MATN2: variants seen among roughly 807,000 people sequenced by gnomAD.
MATN2 encodes the protein matrilin-2.
In MATN2, 69 loss-of-function variants were observed where a neutral mutation model predicts 103.2. The observed-to-expected ratio is 0.67, with a 90% CI of 0.55 to 0.82. The LOEUF (loss-of-function observed/expected upper bound fraction) is 0.82, where lower values mean the gene tolerates loss of function less well. MATN2 is among the 40% of genes least tolerant of loss of function. The probability of loss-of-function intolerance (pLI) is 0.00; values close to 1 mark genes in which losing one functional copy is unlikely to be tolerated. For synonymous variants in MATN2, 429 were observed against 450.2 expected, an observed-to-expected ratio of 0.95 and a Z score of 0.60; for missense variants, 1,023 against 1,211.5, an observed-to-expected ratio of 0.84 and a Z score of 2.31.
intron 18 of MATN2, 161 bp downstream of exon 18, chr8:98,033,820 G>A (rs1233351922): frequency 3.4e-6 from 2 of 581,366 alleles, no homozygotes; most frequent in Non-Finnish European, 6.0e-6. Context: ...AGCCTCACAG[G>A]TGTTTGAGAG....
intron 18 of MATN2, 26 bp from the exon 19 acceptor site, chr8:98,035,630 CT>C: frequency 7.1e-7 from 1 of 1,411,116 alleles, no homozygotes. Flanking sequence ...ATAGACAATT[CT>C]TCATCTTCCT....
chr8:97,928,941 G>A (rs1325174971), intron 2 of MATN2, among the ~76,000 whole-genome samples: 2 of 152,102 alleles, frequency 1.3e-5, no homozygotes, highest in Admixed American at 6.5e-5. Context: ...TCAAAAACTT[G>A]TTCTGAAAAT....
intron 2 of MATN2, among the ~76,000 whole-genome samples, chr8:97,917,228 C>T (rs1163353950): frequency 6.6e-6 from 1 of 152,218 alleles, no homozygotes; most frequent in Non-Finnish European, 1.5e-5. Flanking sequence ...TGGATTCTAT[C>T]TCCATGGGCA....
At chr8:97,907,546 T>C (rs899682799) in intron 2 of MATN2, among the ~76,000 whole-genome samples, 1 of 151,084 alleles carries the variant, frequency 6.6e-6, no homozygotes, top group African/African-American at 2.4e-5. Flanking sequence ...ATGGCCTCGA[T>C]CTCCTGACCT....
intron 10 of MATN2, among the ~76,000 whole-genome samples, chr8:98,011,688 A>G (rs1813166356): frequency 6.6e-6 from 1 of 152,230 alleles, no homozygotes; most frequent in South Asian, 2.1e-4. Context: ...GCTTCTGGTT[A>G]CTGTCTTGGC....
intron 2 of MATN2, among the ~76,000 whole-genome samples, chr8:97,900,026 A>C (rs1182778713): frequency 2.0e-5 from 3 of 152,236 alleles, no homozygotes; most frequent in Admixed American, 2.0e-4. Flanking sequence ...CCGGAATCCC[A>C]GGGCTGAAGA....
chr8:98,009,658 C>T lies in MATN2; in HGVS notation c.1573+2057C>T, dbSNP rs111656751. Among the ~76,000 whole-genome samples, 221 of 152,328 alleles carry T rather than the reference C, an allele frequency of 1.5e-3. 1 individual carries two copies. Among genetic ancestry groups the T allele is most frequent in the African/African-American group, 5.1e-3 (212 of 41,566 alleles). ...CCCTCCCTTCCTCCAGCCCCCTGAC[C>T]GCAAGCTCTGCTTTCCCAGATTTTC... On this transcript the variant is annotated intron_variant, in intron 10 of 18. Transcript: ENST00000254898.
At chr8:98,020,224 T>C (rs892444026) in intron 12 of MATN2, among the ~76,000 whole-genome samples, 1 of 152,132 alleles carries the variant, frequency 6.6e-6, no homozygotes, top group Admixed American at 6.6e-5. Context: ...TAGCTCACTG[T>C]AATCTCCACC....
intron 14 of MATN2, among the ~76,000 whole-genome samples, chr8:98,028,214 C>G (rs1364548047): frequency 6.6e-6 from 1 of 152,188 alleles, no homozygotes; most frequent in Non-Finnish European, 1.5e-5. Context: ...CTGATGGGAA[C>G]TTTTACTGTG....
At chr8:97,949,653 A>G (rs908953512) in intron 4 of MATN2, among the ~76,000 whole-genome samples, 3 of 152,218 alleles carry the variant, frequency 2.0e-5, no homozygotes, top group Non-Finnish European at 4.4e-5. Context: ...ACTTTTAAGT[A>G]TTTACTCAAA....
Position 97,931,665 on chromosome 8 carries a change from C to A in MATN2, c.712+143C>A. On this transcript the variant is annotated intron_variant, in intron 3 of 18. Coordinates refer to ENST00000254898, the MANE Select transcript of MATN2 (RefSeq NM_002380.5). This position sits in a 1 kb window ranked among gnomAD's most constrained non-coding sequence, Gnocchi z 4.1. ...CAAAGGCCAAGATAAACACAACGTGCTCCAGGGGCTTACACTTTGGCCAAG... is the reference window on the plus strand; with the variant it reads ...CAAAGGCCAAGATAAACACAACGTGATCCAGGGGCTTACACTTTGGCCAAG... 1.3e-6 allele frequency: 1 copy of A among 747,294 alleles called. No homozygotes were observed. The allele number at this position is 747,294 out of a possible 1,614,324, so 46.3% of individuals were successfully genotyped here. A position where few individuals can be genotyped will look rare whatever the true frequency, so the allele number is the denominator to read the frequency against.
At chr8:97,896,254 A>G (rs1818802144) in intron 2 of MATN2, among the ~76,000 whole-genome samples, 1 of 152,264 alleles carries the variant, frequency 6.6e-6, no homozygotes, top group African/African-American at 2.4e-5. Context: ...CCTGGACCTC[A>G]GTTCATTCAT....
intron 6 of MATN2, among the ~76,000 whole-genome samples, chr8:97,987,138 G>C (rs1030421975): frequency 4.6e-5 from 7 of 152,102 alleles, no homozygotes; most frequent in Non-Finnish European, 8.8e-5. Context: ...ACCACACCTG[G>C]CCTACTTTTA....
At chr8:98,014,247 A>C (rs1004581169) in intron 10 of MATN2, among the ~76,000 whole-genome samples, 13 of 152,158 alleles carry the variant, frequency 8.5e-5, no homozygotes, top group African/African-American at 3.1e-4. Flanking sequence ...TAGCTATTTT[A>C]TTACCATGGA....
At chr8:98,021,833 A>T (rs1244650672) in intron 13 of MATN2, among the ~76,000 whole-genome samples, 3 of 152,250 alleles carry the variant, frequency 2.0e-5, no homozygotes, top group Non-Finnish European at 4.4e-5. Flanking sequence ...AAGCTGTGAT[A>T]CCTTTTTTTA....
chr8:97,893,769 G>T (rs1818713488), intron 2 of MATN2, among the ~76,000 whole-genome samples: 2 of 151,968 alleles, frequency 1.3e-5, no homozygotes, highest in Non-Finnish European at 2.9e-5. Flanking sequence ...TAGAGACAGG[G>T]TTTCACCATG....
At chr8:97,951,355 CAG>C (rs1586082310) in intron 4 of MATN2, among the ~76,000 whole-genome samples, 1 of 152,180 alleles carries the variant, frequency 6.6e-6, no homozygotes, top group Non-Finnish European at 1.5e-5. Context: ...ATGTACATAT[CAG>C]GGGAACATGA....
Position 97,988,152 on chromosome 8 carries a change from C to CAAAA in MATN2, c.1082-6311_1082-6308dup, listed in dbSNP as rs869146483. Among the ~76,000 whole-genome samples, 216 of 65,824 alleles carry CAAAA rather than the reference C, an allele frequency of 3.3e-3. 2 individuals carry two copies. The highest frequency in any genetic ancestry group is 8.0e-3 in the African/African-American group (99 of 12,314). The allele number at this position is 65,824 out of a possible 152,430, so 43.2% of individuals were successfully genotyped here. On this transcript the variant is annotated intron_variant, in intron 6 of 18. Coordinates refer to ENST00000254898, the MANE Select transcript of MATN2 (RefSeq NM_002380.5). ...TGGGCAACATAGAGCCCATCTCCAC[C>CAAAA]AAAAAAAAAAAAAAAAAAAATATAT...
intron 6 of MATN2, among the ~76,000 whole-genome samples, chr8:97,988,171 A>AAT (rs1554611754): frequency 0.013 from 593 of 46,088 alleles, 18 homozygotes; most frequent in Admixed American, 0.016. Context: ...AAAAAAAAAA[A>AAT]ATATATATAT....
Sources: gnomAD v4.1 joint callset for allele counts (sites outside exome capture counted in the v4.1 genomes callset) on GRCh38, gnomAD v4.1.1 for gene constraint, Gnocchi (gnomAD v3.1) non-coding constraint, MANE v1.5 for transcripts, NCBI Gene and HGNC (gene_info 2026-07-23, HGNC 2026-07-21) for gene names.